The following RAB8A variants were observed in gnomAD, a reference collection of about 807,000 sequenced individuals.
The protein encoded by RAB8A is ras-related protein Rab-8A.
A neutral mutation model predicts 29.2 loss-of-function variants in RAB8A; 5 were observed. That is an observed-to-expected ratio of 0.17 (90% CI 0.09 to 0.36). The LOEUF (loss-of-function observed/expected upper bound fraction) is 0.36. RAB8A is among the 10% of genes least tolerant of loss of function. RAB8A has a pLI of 1.00. For synonymous variants in RAB8A, 108 were observed against 99.9 expected, an observed-to-expected ratio of 1.08 and a Z score of -0.49; for missense variants, 171 against 272.2, an observed-to-expected ratio of 0.63 and a Z score of 2.62.
At chr19:16,115,505 G>T (rs1033551824) in intron 1 of RAB8A, among the ~76,000 whole-genome samples, 3 of 152,172 alleles carry the variant, frequency 2.0e-5, no homozygotes, top group Non-Finnish European at 4.4e-5. Context: ...AGCCTGGCTC[G>T]GCGCCACTGC....
intron 7 of RAB8A, among the ~76,000 whole-genome samples, chr19:16,130,267 C>T (rs1168227848): frequency 6.6e-6 from 1 of 152,054 alleles, no homozygotes; most frequent in Non-Finnish European, 1.5e-5. Flanking sequence ...AGTGCCTAAA[C>T]ACCGTAGTGA....
Position 16,127,596 on chromosome 19 carries a change from T to A in RAB8A, c.414+70T>A. The A allele has an allele frequency of 8.2e-7, 1 of 1,224,678 alleles. No individual in the cohort carries two copies. The highest frequency in any genetic ancestry group is 1.1e-6 in the Non-Finnish European group (1 of 898,440). 75.9% of individuals were successfully genotyped at this position (1,224,678 alleles called of 1,614,324 possible). On this transcript the variant is annotated intron_variant, in intron 5 of 7. Coordinates refer to ENST00000300935, the MANE Select transcript of RAB8A (RefSeq NM_005370.5). The surrounding 1 kb of genome is among the most constrained non-coding windows in gnomAD (Gnocchi z 4.8). Reference sequence around the variant, plus strand: ...GTTCTTGTGCAGAGGCCTTCCCCTGTCCCTCCTCTGCCCCAGGGGCCTGAG... The same window carrying A: ...GTTCTTGTGCAGAGGCCTTCCCCTGACCCTCCTCTGCCCCAGGGGCCTGAG...
Position 16,127,707 on chromosome 19 carries a change from C to T in RAB8A, c.414+181C>T. The T allele has an allele frequency of 1.6e-6, 1 of 607,910 alleles. No homozygotes were observed. The highest frequency in any genetic ancestry group is 2.8e-5 in the East Asian group (1 of 36,200). 37.7% of individuals were successfully genotyped at this position (607,910 alleles called of 1,614,324 possible). On this transcript the variant is annotated intron_variant, in intron 5 of 7. Coordinates refer to ENST00000300935, the MANE Select transcript of RAB8A (RefSeq NM_005370.5). The surrounding 1 kb of genome is among the most constrained non-coding windows in gnomAD (Gnocchi z 4.8). Reference sequence around the variant, plus strand: ...GGGCTTCTTGGGTGCACTCTGCGGGCATCTCATCAAAACCTACCATGGCCC... The same window carrying T: ...GGGCTTCTTGGGTGCACTCTGCGGGTATCTCATCAAAACCTACCATGGCCC...
At chr19:16,117,211 G>C (rs999232750) in intron 1 of RAB8A, among the ~76,000 whole-genome samples, 27 of 152,122 alleles carry the variant, frequency 1.8e-4, no homozygotes, top group Non-Finnish European at 1.3e-4. Context: ...GCAGAGGGCC[G>C]GGTGCGGTGG....
At chr19:16,114,376 T>G (rs948699025) in intron 1 of RAB8A, among the ~76,000 whole-genome samples, 1 of 125,894 alleles carries the variant, frequency 7.9e-6, no homozygotes, top group Non-Finnish European at 1.7e-5. Context: ...CAAACCCCCC[T>G]CTTTTTTTTT....
At chr19:16,128,900 A>C (rs1462787716) in intron 6 of RAB8A, among the ~76,000 whole-genome samples, 1 of 152,172 alleles carries the variant, frequency 6.6e-6, no homozygotes, top group Non-Finnish European at 1.5e-5. Flanking sequence ...TCTCCTCTCC[A>C]GAACCTCCCA....
At chr19:16,119,657 C>A (rs1476833404) in intron 2 of RAB8A, among the ~76,000 whole-genome samples, 1 of 152,166 alleles carries the variant, frequency 6.6e-6, no homozygotes, top group African/African-American at 2.4e-5. Context: ...GCCATGTCAC[C>A]CTTTGTTCCC....
intron 3 of RAB8A, among the ~76,000 whole-genome samples, chr19:16,123,035 C>T (rs1037380092): frequency 1.3e-4 from 20 of 152,230 alleles, no homozygotes; most frequent in African/African-American, 4.6e-4. Flanking sequence ...CAGGTCTTAG[C>T]TCAGATTATC....
Position 16,132,102 on chromosome 19 carries a change from T to C in RAB8A, c.532-110T>C. On this transcript the variant is annotated intron_variant, in intron 7 of 7. Transcript: ENST00000300935. This position sits in a 1 kb window ranked among gnomAD's most constrained non-coding sequence, Gnocchi z 5.6. ...TTTGGTTGGTTGGTTGGTTGGTTGG[T>C]TGGATGGTTGGATGGATGGTTAGGT... 1 of 855,746 alleles carries C rather than the reference T, an allele frequency of 1.2e-6. No homozygotes were observed. The highest frequency in any genetic ancestry group is 1.9e-6 in the Non-Finnish European group (1 of 530,730). The allele number at this position is 855,746 out of a possible 1,614,324, so 53.0% of individuals were successfully genotyped here. A position where few individuals can be genotyped will look rare whatever the true frequency, so the allele number is the denominator to read the frequency against.
intron 7 of RAB8A, 33 bp downstream of exon 7, chr19:16,129,637 G>A: frequency 1.2e-6 from 2 of 1,606,746 alleles, no homozygotes; most frequent in Non-Finnish European, 1.7e-6. Context: ...TCCCCGGGTG[G>A]ATCTCTGGGA....
Position 16,132,104 on chromosome 19 carries a change from G to T in RAB8A, c.532-108G>T. The T allele has an allele frequency of 1.2e-6, 1 of 868,878 alleles. No individual in the cohort carries two copies. Among genetic ancestry groups the T allele is most frequent in the Non-Finnish European group, 1.9e-6 (1 of 538,550 alleles). The allele number at this position is 868,878 out of a possible 1,614,324, so 53.8% of individuals were successfully genotyped here. On this transcript the variant is annotated intron_variant, in intron 7 of 7. Coordinates refer to ENST00000300935, the MANE Select transcript of RAB8A (RefSeq NM_005370.5). The surrounding 1 kb of genome is among the most constrained non-coding windows in gnomAD (Gnocchi z 5.6). ...TGGTTGGTTGGTTGGTTGGTTGGTT[G>T]GATGGTTGGATGGATGGTTAGGTGG... is the stretch of plus-strand genomic sequence containing the variant.
At chr19:16,130,381 G>C (rs2090920059) in intron 7 of RAB8A, among the ~76,000 whole-genome samples, 1 of 152,132 alleles carries the variant, frequency 6.6e-6, no homozygotes, top group Non-Finnish European at 1.5e-5. Flanking sequence ...GGTTAAGTCT[G>C]GTCACTTGAG....
At chr19:16,119,781 G>A (rs2090865205) in intron 2 of RAB8A, among the ~76,000 whole-genome samples, 1 of 150,664 alleles carries the variant, frequency 6.6e-6, no homozygotes, top group Non-Finnish European at 1.5e-5. Flanking sequence ...TCTAAGGACT[G>A]TAGTTGAAAA....
rs536287056 is a variant in RAB8A, at chr19:16,127,941, G to A, written c.415-85G>A. Reference sequence around the variant, plus strand: ...CCTGTTGCTGCTCCCTCTTGGCGCCGGCCCTGCCTTCAGCTCCTGTTTTAG... The same window carrying A: ...CCTGTTGCTGCTCCCTCTTGGCGCCAGCCCTGCCTTCAGCTCCTGTTTTAG... On this transcript the variant is annotated intron_variant, in intron 5 of 7. Coordinates refer to ENST00000300935, the MANE Select transcript of RAB8A (RefSeq NM_005370.5). The surrounding 1 kb of genome is among the most constrained non-coding windows in gnomAD (Gnocchi z 4.8). 145 of 1,421,292 alleles carry A rather than the reference G, an allele frequency of 1.0e-4. No homozygotes were observed. Among genetic ancestry groups the A allele is most frequent in the East Asian group, 2.3e-4 (10 of 43,796 alleles). The allele number at this position is 1,421,292 out of a possible 1,614,324, so 88.0% of individuals were successfully genotyped here.
Position 16,118,278 on chromosome 19 carries a change from G to A in RAB8A, c.177G>A (p.Leu59=), listed in dbSNP as rs1319233318. The A allele has an allele frequency of 1.9e-6, 3 of 1,610,894 alleles. No homozygotes were observed. The South Asian group carries it at 3.3e-5, about 18-fold the overall frequency. ...AGCTCGATGGCAAGAGAATTAAACT[G>A]CAGATATGGTAAGAGTCATTGTTCT... ...TIELDGKRIK[L]QIWDTAGQER... Residue 59 remains leucine (L), a synonymous_variant, in exon 2 of 8, where the codon CTG becomes CTA. Coordinates refer to ENST00000300935, the MANE Select transcript of RAB8A (RefSeq NM_005370.5).
chr19:16,121,651 G>A (rs922759834), intron 2 of RAB8A, 99 bp from the exon 3 acceptor site: 28 of 1,061,688 alleles, frequency 2.6e-5, no homozygotes, highest in South Asian at 1.7e-4. Flanking sequence ...GTGGCTGAAC[G>A]GTGAGAAAGC....
rs554112505 is a variant in RAB8A at position 16,120,035 on chromosome 19, A to G, written c.186-1715A>G. 1.1e-4 allele frequency among the ~76,000 whole-genome samples: 17 copies of G among 151,720 alleles called. No individual in the cohort carries two copies. In the South Asian group the frequency reaches 3.6e-3, roughly 32 times the overall value. ...GCCATGTTGGCCAGGTTGGCTTCGA[A>G]CCCCTGAATTCAGGTGATCCACCCG... On this transcript the variant is annotated intron_variant, in intron 2 of 7. Coordinates refer to ENST00000300935, the MANE Select transcript of RAB8A (RefSeq NM_005370.5).
intron 2 of RAB8A, 47 bp from the exon 3 acceptor site, chr19:16,121,703 A>G (rs1361506296): frequency 1.3e-6 from 2 of 1,557,316 alleles, no homozygotes; most frequent in South Asian, 2.2e-5. Context: ...TACTGAGGAC[A>G]GTTATTTTCC....
chr19:16,129,460 C>T (rs1599399702), intron 6 of RAB8A, 94 bp from the exon 7 acceptor site: 3 of 1,271,584 alleles, frequency 2.4e-6, no homozygotes, highest in East Asian at 4.6e-5. Context: ...GAGGCCCACG[C>T]CTGGGAAGCT....
Sources: gnomAD v4.1 joint callset for allele counts (sites outside exome capture counted in the v4.1 genomes callset) on GRCh38, gnomAD v4.1.1 for gene constraint, Gnocchi (gnomAD v3.1) non-coding constraint, MANE v1.5 for transcripts, NCBI Gene and HGNC (gene_info 2026-07-23, HGNC 2026-07-21) for gene names.